Variants in STK17A observed in about 807,000 individuals in gnomAD.
STK17A encodes serine/threonine kinase 17a, also known as serine/threonine-protein kinase 17A.
Under a neutral mutation model 43.7 loss-of-function variants are expected in STK17A, and 26 were observed. The observed-to-expected ratio is 0.60, with a 90% CI of 0.44 to 0.83. STK17A has a LOEUF of 0.83. STK17A is among the 40% of genes least tolerant of loss of function. The probability of loss-of-function intolerance (pLI) is 0.00; values close to 1 mark genes in which losing one functional copy is unlikely to be tolerated. For synonymous variants in STK17A, 191 were observed against 182.5 expected (o/e 1.05, Z -0.38); for missense variants, 476 against 511.6 (o/e 0.93, Z 0.67).
chr7:43,590,033 A>C (rs996951338), intron 1 of STK17A, among the ~76,000 whole-genome samples: 1 of 149,608 alleles, frequency 6.7e-6, no homozygotes, highest in Non-Finnish European at 1.5e-5. Context: ...GGCAGCCTAG[A>C]TGTCCCAGGC....
rs2082849542 is a variant in STK17A, at chr7:43,611,246, T to C, written c.564+2846T>C. The stretch of plus-strand genomic sequence containing the variant: ...AAATACTAGTTTCCTACAGAAAAAT[T>C]TACTCGTTTCCTACAGAAAAATACA... On this transcript the variant is annotated intron_variant, in intron 3 of 6. Coordinates refer to ENST00000319357, the MANE Select transcript of STK17A (RefSeq NM_004760.3). Among the ~76,000 whole-genome samples, 3 of 152,192 alleles carry C rather than the reference T, an allele frequency of 2.0e-5. No individual in the cohort carries two copies. The South Asian group carries it at 6.2e-4, about 32-fold the overall frequency.
chr7:43,585,672 T>C lies in STK17A; in HGVS notation c.206+2223T>C, dbSNP rs574932885. Among the ~76,000 whole-genome samples, 37 of 151,708 alleles carry C rather than the reference T, an allele frequency of 2.4e-4. 1 individual carries two copies. The highest frequency in any genetic ancestry group is 8.7e-4 in the African/African-American group (36 of 41,506). On this transcript the variant is annotated intron_variant, in intron 1 of 6. Coordinates refer to ENST00000319357, the MANE Select transcript of STK17A (RefSeq NM_004760.3). ...GCTTTGGAGTCAGACAGTGTGAGAT[T>C]GAATCTTGGCTCTTACTAGTTATGT...
At chr7:43,589,371 A>G (rs1439173369) in intron 1 of STK17A, among the ~76,000 whole-genome samples, 7 of 151,504 alleles carry the variant, frequency 4.6e-5, no homozygotes, top group African/African-American at 1.2e-4. Flanking sequence ...ACTTTAACCT[A>G]GAATAAAACA....
In STK17A at chr7:43,623,598, A is replaced by T. The variant is rs757073046; in HGVS notation, c.718A>T (p.Ile240Leu). The change falls in exon 5 of 7, where the codon ATA (isoleucine) becomes TTA (leucine). Residue 240 changes from isoleucine (I) to leucine (L), a missense_variant. Ile to Leu is a conservative substitution (Grantham distance 5, BLOSUM62 2). Coordinates refer to ENST00000319357, the MANE Select transcript of STK17A (RefSeq NM_004760.3). The stretch of plus-strand genomic sequence containing the variant: ...TCCTGAAATTCTTAGTTATGATCCT[A>T]TAAGCATGGCAACAGATATGTGGTA... ...VAPEILSYDP[I>L]SMATDMWSIG... 1.2e-5 allele frequency: 19 copies of T among 1,610,978 alleles called. No individual in the cohort carries two copies. In the Middle Eastern group the frequency reaches 6.6e-4, roughly 56 times the overall value.
chr7:43,608,165 C>A, intron 2 of STK17A, 91 bp from the exon 3 acceptor site: 2 of 1,269,676 alleles, frequency 1.6e-6, no homozygotes, highest in Non-Finnish European at 2.2e-6. Flanking sequence ...ACAGTTACTG[C>A]CAGACTGTAA....
In STK17A at chr7:43,624,933, G is replaced by GT; in HGVS notation, c.*92dup. The stretch of plus-strand genomic sequence containing the variant: ...TGGCCAAATGGTACATGTACTGGAA[G>GT]TGGATAACCAGTATCACTTACACAA... On this transcript the variant is annotated 3_prime_UTR_variant, in exon 7 of 7. Transcript: ENST00000319357. 8.7e-7 allele frequency: 1 copy of GT among 1,144,148 alleles called. No homozygotes were observed. Among genetic ancestry groups the GT allele is most frequent in the South Asian group, 1.6e-5 (1 of 62,184 alleles). The allele number at this position is 1,144,148 out of a possible 1,614,324, so 70.9% of individuals were successfully genotyped here.
Position 43,624,647 on chromosome 7 carries a change from T to C in STK17A, c.1050T>C (p.Pro350=), listed in dbSNP as rs575931198. Reference sequence around the variant, plus strand: ...CCCTCCAAGAAGGTCATTCTGTGCCTGAAATTAATTCGGATACCGACAAAT... The same window carrying C: ...CCCTCCAAGAAGGTCATTCTGTGCCCGAAATTAATTCGGATACCGACAAAT... ...ANALQEGHSV[P]EINSDTDKSE... is the part of the protein sequence containing the mutation. Residue 350 remains proline, a synonymous_variant, in exon 7 of 7, where the codon CCT becomes CCC. Transcript: ENST00000319357. The C allele has an allele frequency of 1.9e-6, 3 of 1,614,102 alleles. No homozygotes were observed. The highest frequency in any genetic ancestry group is 4.5e-5 in the East Asian group (2 of 44,866).
intron 1 of STK17A, among the ~76,000 whole-genome samples, chr7:43,594,347 CT>C (rs1209465476): frequency 6.6e-6 from 1 of 151,794 alleles, no homozygotes; most frequent in Non-Finnish European, 1.5e-5. Flanking sequence ...ATGGTGTTTG[CT>C]GTGTTCAGTA....
chr7:43,614,950 C>T (rs1209955657), intron 3 of STK17A, among the ~76,000 whole-genome samples: 1 of 152,076 alleles, frequency 6.6e-6, no homozygotes, highest in Non-Finnish European at 1.5e-5. Flanking sequence ...TTTAAGGGAA[C>T]AAATGGTATT....
At chr7:43,599,888 C>G (rs191539542) in intron 2 of STK17A, among the ~76,000 whole-genome samples, 4 of 150,660 alleles carry the variant, frequency 2.7e-5, no homozygotes, top group Non-Finnish European at 4.4e-5. Flanking sequence ...GGTGTAAGTC[C>G]TGGCATTTAA....
chr7:43,623,016 C>A (rs73329865), intron 4 of STK17A: 1,653 of 152,560 alleles, frequency 0.011, 41 homozygotes, highest in African/African-American at 0.038. Context: ...TCTATAGATG[C>A]AACTTAGTTG....
At chr7:43,616,429 G>A (rs1197775242) in intron 3 of STK17A, among the ~76,000 whole-genome samples, 1 of 152,116 alleles carries the variant, frequency 6.6e-6, no homozygotes, top group Non-Finnish European at 1.5e-5. Context: ...AAATATAAAT[G>A]TGTGGTAGGC....
chr7:43,594,852 C>G (rs2082503793), intron 1 of STK17A, among the ~76,000 whole-genome samples: 1 of 130,040 alleles, frequency 7.7e-6, no homozygotes, highest in African/African-American at 2.8e-5. Context: ...CTAGCCTGAG[C>G]AACATAGAGA....
At chr7:43,611,288 G>A (rs2082854014) in intron 3 of STK17A, among the ~76,000 whole-genome samples, 1 of 152,162 alleles carries the variant, frequency 6.6e-6, no homozygotes, top group African/African-American at 2.4e-5. Flanking sequence ...AGAAAACAAT[G>A]TGGAAGTTTT....
intron 3 of STK17A, among the ~76,000 whole-genome samples, chr7:43,610,456 A>G (rs2082756822): frequency 6.6e-6 from 1 of 151,640 alleles, no homozygotes; most frequent in Non-Finnish European, 1.5e-5. Context: ...ACTTGAGGTC[A>G]GGAGTTCAAG....
chr7:43,584,123 C>CT (rs1170239951), intron 1 of STK17A, among the ~76,000 whole-genome samples: 2 of 152,056 alleles, frequency 1.3e-5, no homozygotes, highest in African/African-American at 4.8e-5. Context: ...CTAGCCCACC[C>CT]TTTTTTTGTG....
At chr7:43,618,748 C>T (rs2083576643) in intron 3 of STK17A, among the ~76,000 whole-genome samples, 1 of 152,078 alleles carries the variant, frequency 6.6e-6, no homozygotes, top group South Asian at 2.1e-4. Context: ...GGATATGAAC[C>T]TCACTGATTC....
At chr7:43,601,301 A>G (rs775607880) in intron 2 of STK17A, among the ~76,000 whole-genome samples, 2 of 152,242 alleles carry the variant, frequency 1.3e-5, no homozygotes, top group Non-Finnish European at 2.9e-5. Flanking sequence ...AAGAAATAAT[A>G]CGAACATGAG....
At chr7:43,617,607 T>C (rs912228269) in intron 3 of STK17A, among the ~76,000 whole-genome samples, 1 of 152,010 alleles carries the variant, frequency 6.6e-6, no homozygotes, top group Non-Finnish European at 1.5e-5. Context: ...GGAAGGAAAA[T>C]AGGAGTCTGT....
Sources: gnomAD v4.1 joint callset for allele counts (sites outside exome capture counted in the v4.1 genomes callset) on GRCh38, gnomAD v4.1.1 for gene constraint, MANE v1.5 for transcripts, NCBI Gene and HGNC (gene_info 2026-07-23, HGNC 2026-07-21) for gene names.